Variants in CYSTM1 observed in about 807,000 individuals in gnomAD.
The protein encoded by CYSTM1 is cysteine-rich transmembrane module-containing protein 1.
In CYSTM1, 4 loss-of-function variants were observed where a neutral mutation model predicts 13.1. That is an observed-to-expected ratio of 0.31 (90% confidence interval 0.15 to 0.70). The LOEUF is 0.70. Ranked by LOEUF, CYSTM1 falls within the 30% of genes least tolerant of loss-of-function variation. CYSTM1 has a pLI of 0.72. For synonymous variants in CYSTM1, 36 were observed against 42.7 expected (o/e 0.84, Z 0.62); for missense variants, 96 against 121.6 (o/e 0.79, Z 0.99).
intron 2 of CYSTM1, among the ~76,000 whole-genome samples, chr5:140,209,171 C>T (rs1764333484): frequency 6.6e-6 from 1 of 151,976 alleles, no homozygotes; most frequent in Admixed American, 6.6e-5. Flanking sequence ...TAAAGATATG[C>T]AGGAGAGAGG....
chr5:140,179,238 A>C (rs1224246222), intron 1 of CYSTM1, among the ~76,000 whole-genome samples: 9 of 151,274 alleles, frequency 5.9e-5, no homozygotes, highest in Non-Finnish European at 1.0e-4. Flanking sequence ...CCAGCCTGGA[A>C]GACAGAATGA....
intron 2 of CYSTM1, among the ~76,000 whole-genome samples, chr5:140,218,090 G>A (rs1184520854): frequency 1.3e-5 from 2 of 152,284 alleles, no homozygotes; most frequent in East Asian, 3.9e-4. Context: ...AGCCGATATG[G>A]TCGGTGTGGT....
intron 1 of CYSTM1, among the ~76,000 whole-genome samples, chr5:140,189,135 T>A (rs1012156177): frequency 6.6e-6 from 1 of 152,212 alleles, no homozygotes; most frequent in African/African-American, 2.4e-5. Flanking sequence ...AGTTTGGATA[T>A]TTGTCCTCTC....
intron 1 of CYSTM1, among the ~76,000 whole-genome samples, chr5:140,176,655 A>G (rs1763889296): frequency 6.6e-6 from 1 of 152,168 alleles, no homozygotes; most frequent in Admixed American, 6.5e-5. Context: ...CAAACCCCAA[A>G]TGACTGGTAA....
intron 1 of CYSTM1, among the ~76,000 whole-genome samples, chr5:140,189,909 G>A (rs1006809179): frequency 1.3e-5 from 2 of 152,068 alleles, no homozygotes; most frequent in African/African-American, 4.8e-5. Flanking sequence ...TCTGTGATAT[G>A]TTGTGATTTT....
chr5:140,196,146 A>T (rs910032398), intron 2 of CYSTM1, among the ~76,000 whole-genome samples: 7 of 152,178 alleles, frequency 4.6e-5, no homozygotes, highest in African/African-American at 1.7e-4. Context: ...CCCATTTTAT[A>T]GTGATGTAAT....
At chr5:140,178,437 C>CT (rs1432207093) in intron 1 of CYSTM1, among the ~76,000 whole-genome samples, 2 of 90,676 alleles carry the variant, frequency 2.2e-5, no homozygotes, top group Non-Finnish European at 4.4e-5. Context: ...TATTCAAGTC[C>CT]TTCCTTTTTT....
intron 2 of CYSTM1, among the ~76,000 whole-genome samples, chr5:140,221,404 C>A (rs1338921750): frequency 6.6e-6 from 1 of 152,204 alleles, no homozygotes; most frequent in Non-Finnish European, 1.5e-5. Flanking sequence ...CTAGCAACCA[C>A]CATTCTACTT....
At chr5:140,221,784 C>G (rs1451082994) in intron 2 of CYSTM1, among the ~76,000 whole-genome samples, 1 of 152,234 alleles carries the variant, frequency 6.6e-6, no homozygotes, top group African/African-American at 2.4e-5. Context: ...CCGTTCTCTG[C>G]TGAGCAAAAG....
chr5:140,199,554 G>A lies in CYSTM1; in HGVS notation c.187+4902G>A, dbSNP rs576766970. 3.9e-5 allele frequency among the ~76,000 whole-genome samples: 6 copies of A among 152,234 alleles called. No individual in the cohort carries two copies. The East Asian group carries it at 7.7e-4, about 20-fold the overall frequency. ...CGCCCAGGCTGGAGTGCAGTGGCGC[G>A]ATCTTGACTTACTGCAACCTCCACC... is the stretch of plus-strand genomic sequence containing the variant. On this transcript the variant is annotated intron_variant, in intron 2 of 2. Coordinates refer to ENST00000261811, the MANE Select transcript of CYSTM1 (RefSeq NM_032412.4).
At chr5:140,180,121 G>A (rs1763946576) in intron 1 of CYSTM1, among the ~76,000 whole-genome samples, 1 of 152,142 alleles carries the variant, frequency 6.6e-6, no homozygotes, top group South Asian at 2.1e-4. Context: ...AGCCCTCAAA[G>A]GAGTAAGTTA....
chr5:140,179,785 C>T (rs538437601), intron 1 of CYSTM1, among the ~76,000 whole-genome samples: 5 of 151,748 alleles, frequency 3.3e-5, no homozygotes, highest in East Asian at 4.0e-4. Context: ...CTCAGCCTCC[C>T]GAGTAGCTGG....
Position 140,195,587 on chromosome 5 carries a change from G to A in CYSTM1, c.187+935G>A, listed in dbSNP as rs370458618. Among the ~76,000 whole-genome samples the A allele has an allele frequency of 9.9e-5, 15 of 151,676 alleles. No individual in the cohort carries two copies. In the East Asian group the frequency reaches 1.8e-3, roughly 18 times the overall value. Reference sequence around the variant, plus strand: ...CTCCTGAGTAACTAGGACTACAGGCGCCTGCCACCACGCCCGGCTAATTTT... The same window carrying A: ...CTCCTGAGTAACTAGGACTACAGGCACCTGCCACCACGCCCGGCTAATTTT... On this transcript the variant is annotated intron_variant, in intron 2 of 2. Coordinates refer to ENST00000261811, the MANE Select transcript of CYSTM1 (RefSeq NM_032412.4).
intron 2 of CYSTM1, among the ~76,000 whole-genome samples, chr5:140,199,061 G>A (rs914920787): frequency 1.3e-5 from 2 of 152,090 alleles, no homozygotes; most frequent in African/African-American, 4.8e-5. Context: ...GTGGTGTTTG[G>A]TTTTCTGTTC....
At chr5:140,203,912 C>G (rs914486565) in intron 2 of CYSTM1, among the ~76,000 whole-genome samples, 1 of 152,126 alleles carries the variant, frequency 6.6e-6, no homozygotes, top group African/African-American at 2.4e-5. Context: ...TCAGCATACC[C>G]CAGCATTCTA....
intron 1 of CYSTM1, among the ~76,000 whole-genome samples, chr5:140,187,726 A>G (rs1468102442): frequency 6.6e-6 from 1 of 152,228 alleles, no homozygotes; most frequent in Admixed American, 6.5e-5. Context: ...AAATTGAAGG[A>G]CATAAGGATA....
intron 2 of CYSTM1, chr5:140,202,141 G>A (rs189584734): frequency 2.8e-4 from 42 of 152,014 alleles, no homozygotes; most frequent in African/African-American, 9.9e-4. Flanking sequence ...TCACTGTATT[G>A]GCCAGGCTGG....
intron 2 of CYSTM1, among the ~76,000 whole-genome samples, chr5:140,240,282 GGTAGTTTCT>G (rs1764732477): frequency 6.6e-6 from 1 of 151,948 alleles, no homozygotes; most frequent in African/African-American, 2.4e-5. Context: ...TTGCCGAGAT[GGTAGTTTCT>G]GTAAACAGTT....
chr5:140,196,021 C>T (rs1394149212), intron 2 of CYSTM1, among the ~76,000 whole-genome samples: 4 of 58,026 alleles, frequency 6.9e-5, no homozygotes, highest in South Asian at 3.3e-4. Flanking sequence ...TCTAGCCTGG[C>T]GACAGTGAGA....
Sources: gnomAD v4.1 joint callset for allele counts (sites outside exome capture counted in the v4.1 genomes callset) on GRCh38, gnomAD v4.1.1 for gene constraint, MANE v1.5 for transcripts, NCBI Gene and HGNC (gene_info 2026-07-23, HGNC 2026-07-21) for gene names.